Variants in GALNT13 observed in about 807,000 individuals in gnomAD.
GALNT13 encodes polypeptide N-acetylgalactosaminyltransferase 13.
A neutral mutation model predicts 64.2 loss-of-function variants in GALNT13; 28 were observed. The ratio of observed to expected loss-of-function variants is 0.44; its 90% confidence interval spans 0.32 to 0.60. GALNT13 has a LOEUF of 0.60. GALNT13 is among the 20% of genes least tolerant of loss of function. The probability of loss-of-function intolerance (pLI) is 0.05; values close to 1 mark genes in which losing one functional copy is unlikely to be tolerated. For missense variants in GALNT13, 577 were observed against 669.8 expected, an observed-to-expected ratio of 0.86 and a Z score of 1.53; for synonymous variants, 214 against 224.6, an observed-to-expected ratio of 0.95 and a Z score of 0.42.
chr2:154,248,234 C>T (rs538504814), intron 7 of GALNT13, among the ~76,000 whole-genome samples: 1 of 152,138 alleles, frequency 6.6e-6, no homozygotes, highest in South Asian at 2.1e-4. Context: ...AACTTGTGAC[C>T]TAAATCAGTT....
At chr2:153,246,740 T>G in the GALNT13 span, among the ~76,000 whole-genome samples, 1 of 152,170 alleles carries the variant, frequency 6.6e-6, no homozygotes, top group East Asian at 1.9e-4. Flanking sequence ...CTGCATCAAC[T>G]AATGTGCAAA....
the GALNT13 span, among the ~76,000 whole-genome samples, chr2:153,255,733 T>G: frequency 6.6e-6 from 1 of 152,190 alleles, no homozygotes; most frequent in African/African-American, 2.4e-5. Context: ...TGAAGCTTAG[T>G]TTGGCTGGAT....
At chr2:153,892,886 T>C (rs1687644146) in intron 1 of GALNT13, among the ~76,000 whole-genome samples, 1 of 152,062 alleles carries the variant, frequency 6.6e-6, no homozygotes, top group South Asian at 2.1e-4. Context: ...TTCTTTAATT[T>C]TATCTGCAAA....
the GALNT13 span, among the ~76,000 whole-genome samples, chr2:153,803,415 T>G: frequency 5.3e-5 from 8 of 152,190 alleles, no homozygotes; most frequent in Middle Eastern, 3.4e-3. Context: ...GGAACAGGTC[T>G]GGCGCGGTGT....
chr2:153,444,169 TTATC>T, the GALNT13 span, among the ~76,000 whole-genome samples: 1 of 152,128 alleles, frequency 6.6e-6, no homozygotes, highest in African/African-American at 2.4e-5. Flanking sequence ...CATCTATCAT[TTATC>T]CATCCATCCA....
chr2:154,240,094 T>C (rs928610592), intron 4 of GALNT13, among the ~76,000 whole-genome samples: 1 of 152,212 alleles, frequency 6.6e-6, no homozygotes, highest in African/African-American at 2.4e-5. Flanking sequence ...CTTCTGTTTC[T>C]GCTCCAGAAA....
At chr2:153,403,749 C>A in the GALNT13 span, among the ~76,000 whole-genome samples, 95 of 152,306 alleles carry the variant, frequency 6.2e-4, no homozygotes, top group African/African-American at 2.2e-3. Flanking sequence ...TGACCCCTTG[C>A]GCTTCCCAAG....
chr2:154,291,572 G>A (rs1692634917), intron 8 of GALNT13, among the ~76,000 whole-genome samples: 1 of 152,224 alleles, frequency 6.6e-6, no homozygotes, highest in South Asian at 2.1e-4. Flanking sequence ...AAGCCCAGCA[G>A]GTGCTGGCCG....
chr2:154,421,467 T>A (rs1404714124), intron 11 of GALNT13, among the ~76,000 whole-genome samples: 1 of 152,140 alleles, frequency 6.6e-6, no homozygotes, highest in Non-Finnish European at 1.5e-5. Flanking sequence ...AGTCATACTA[T>A]GTCAGCAAAA....
chr2:153,104,883 T>A, the GALNT13 span, among the ~76,000 whole-genome samples: 11 of 151,848 alleles, frequency 7.2e-5, no homozygotes, highest in Admixed American at 5.9e-4. Context: ...TTCCTTTTCT[T>A]TTTTTTATTA....
the GALNT13 span, among the ~76,000 whole-genome samples, chr2:153,827,810 T>C: frequency 2.6e-5 from 4 of 152,270 alleles, no homozygotes; most frequent in East Asian, 7.7e-4. Flanking sequence ...AAGTCTAATC[T>C]GAGACAAAGC....
the GALNT13 span, among the ~76,000 whole-genome samples, chr2:153,141,431 C>T: frequency 2.0e-5 from 3 of 151,938 alleles, no homozygotes; most frequent in Admixed American, 6.6e-5. Context: ...GCTTCCACCC[C>T]GTGAGTTGGG....
At chr2:154,176,299 G>A (rs947356664) in intron 4 of GALNT13, among the ~76,000 whole-genome samples, 2 of 144,392 alleles carry the variant, frequency 1.4e-5, no homozygotes, top group East Asian at 3.9e-4. Flanking sequence ...TTATGGGATG[G>A]AGTCTCGCTG....
At chr2:153,996,880 G>A (rs72866881) in intron 3 of GALNT13, among the ~76,000 whole-genome samples, 10,632 of 152,032 alleles carry the variant, frequency 0.07, 440 homozygotes, top group Middle Eastern at 0.13. Context: ...ATTCTTCTAC[G>A]TGTGGATATC....
At chr2:153,604,707 T>C in the GALNT13 span, among the ~76,000 whole-genome samples, 1 of 152,072 alleles carries the variant, frequency 6.6e-6, no homozygotes, top group African/African-American at 2.4e-5. Context: ...GTGTATATCA[T>C]TGGTATCTTT....
chr2:154,243,524 A>G (rs573836957), intron 6 of GALNT13, among the ~76,000 whole-genome samples: 1 of 151,988 alleles, frequency 6.6e-6, no homozygotes, highest in South Asian at 2.1e-4. Context: ...ATGTTTAATT[A>G]TTTCAACAAT....
At chr2:154,026,045 G>A (rs183889926) in intron 3 of GALNT13, among the ~76,000 whole-genome samples, 1 of 152,114 alleles carries the variant, frequency 6.6e-6, no homozygotes, top group Non-Finnish European at 1.5e-5. Context: ...ATGGTGTTGG[G>A]GGGAGGGGAG....
At chr2:153,959,417 C>T (rs940694403) in intron 3 of GALNT13, among the ~76,000 whole-genome samples, 3 of 152,062 alleles carry the variant, frequency 2.0e-5, no homozygotes, top group Non-Finnish European at 4.4e-5. Context: ...ATTAACAGAA[C>T]GTTTAAAGCA....
the GALNT13 span, among the ~76,000 whole-genome samples, chr2:153,540,477 C>A: frequency 6.6e-6 from 1 of 152,220 alleles, no homozygotes; most frequent in Non-Finnish European, 1.5e-5. Context: ...AGAGTCCCCA[C>A]TGGGGCACTG....
Sources: allele counts gnomAD v4.1 joint callset (sites outside exome capture counted in the v4.1 genomes callset), GRCh38; gene constraint gnomAD v4.1.1; transcripts MANE v1.5; gene names NCBI Gene and HGNC (gene_info 2026-07-23, HGNC 2026-07-21).